NCF2: variants seen among roughly 807,000 people sequenced by gnomAD.
NCF2 encodes the protein neutrophil cytosol factor 2.
In NCF2, 45 loss-of-function variants were observed where a neutral mutation model predicts 70.9. That is an observed-to-expected ratio of 0.63 (90% CI 0.50 to 0.81). NCF2 has a LOEUF of 0.81. Among genes scored for constraint, NCF2 ranks in the 40% least tolerant of loss-of-function variants. NCF2 has a pLI of 0.00. For missense variants in NCF2, 522 were observed against 631.6 expected (o/e 0.83, Z 1.86); for synonymous variants, 203 against 233.6 (o/e 0.87, Z 1.19).
intron 6 of NCF2, 80 bp downstream of exon 6, chr1:183,570,700 C>T (rs990502888): frequency 2.1e-4 from 314 of 1,465,608 alleles, no homozygotes; most frequent in Non-Finnish European, 2.9e-4. Flanking sequence ...GGCAACTCAG[C>T]ACACATAGTC....
chr1:183,566,403 T>C (rs918870137), intron 9 of NCF2, among the ~76,000 whole-genome samples: 1 of 152,196 alleles, frequency 6.6e-6, no homozygotes, highest in African/African-American at 2.4e-5. Context: ...AAGGCAGATC[T>C]CATTTTATTA....
intron 3 of NCF2, 149 bp from the exon 4 acceptor site, chr1:183,574,770 T>A: frequency 2.1e-6 from 2 of 956,592 alleles, no homozygotes; most frequent in Non-Finnish European, 3.2e-6. Flanking sequence ...ATAGTGCAAT[T>A]AGTCTTGCTA....
At chr1:183,565,845 G>A (rs1343795372) in intron 9 of NCF2, 66 bp from the exon 10 acceptor site, 6 of 1,486,044 alleles carry the variant, frequency 4.0e-6, no homozygotes, top group Non-Finnish European at 5.6e-6. Flanking sequence ...GTGGATGTGG[G>A]GAAACACCCC....
At chr1:183,567,411 G>T in intron 7 of NCF2, 66 bp from the exon 8 acceptor site, 1 of 1,605,844 alleles carries the variant, frequency 6.2e-7, no homozygotes, top group South Asian at 1.1e-5. Context: ...CAAATACACT[G>T]AACTTGGAGC....
At chr1:183,586,013 A>G (rs576733059) in intron 2 of NCF2, among the ~76,000 whole-genome samples, 1 of 152,314 alleles carries the variant, frequency 6.6e-6, no homozygotes, top group South Asian at 2.1e-4. Context: ...GGACTATGCT[A>G]TATGAACTGT....
At chr1:183,572,111 C>T (rs1672593073) in intron 5 of NCF2, among the ~76,000 whole-genome samples, 1 of 152,188 alleles carries the variant, frequency 6.6e-6, no homozygotes, top group South Asian at 2.1e-4. Flanking sequence ...TGTGTCAAGT[C>T]AAATGTGGTT....
At position 183,565,751 on chromosome 1, in the gene NCF2, G is replaced by A; in HGVS notation, c.953C>T (p.Pro318Leu). The change falls in exon 10 of 15, where the codon CCA becomes CTA. Residue 318 changes from proline (P) to leucine (L), a missense_variant. Physicochemically the swap from Pro to Leu is moderately conservative, Grantham distance 98. Transcript: ENST00000367535. ...QEESSPQSDI[P>L]APPSSKAPGR... ...AGGGGCTTTGGAACTAGGAGGAGCT[G>A]GGATGTCGGACTGCGGAGAGCTTTC... 4 of 1,613,228 alleles carry A rather than the reference G, an allele frequency of 2.5e-6. No homozygotes were observed. Among genetic ancestry groups the A allele is most frequent in the Non-Finnish European group, 3.4e-6 (4 of 1,180,028 alleles).
At chr1:183,563,378 C>T in intron 12 of NCF2, 56 bp downstream of exon 12, 1 of 1,613,976 alleles carries the variant, frequency 6.2e-7, no homozygotes. Context: ...CTTCCCTCCT[C>T]CAGGCCAGCA....
chr1:183,580,303 A>G (rs1673002155), intron 2 of NCF2, among the ~76,000 whole-genome samples: 1 of 152,200 alleles, frequency 6.6e-6, no homozygotes, highest in African/African-American at 2.4e-5. Flanking sequence ...TTTTCCACGC[A>G]TCTTTCTGGG....
chr1:183,568,705 G>A (rs1303469021), intron 7 of NCF2, among the ~76,000 whole-genome samples: 1 of 149,680 alleles, frequency 6.7e-6, no homozygotes, highest in East Asian at 2.0e-4. Context: ...AGAGAGCTCT[G>A]GCCTGCCCCC....
At chr1:183,558,469 T>C (rs535799780) in intron 14 of NCF2, among the ~76,000 whole-genome samples, 1 of 152,218 alleles carries the variant, frequency 6.6e-6, no homozygotes, top group South Asian at 2.1e-4. Context: ...AGTTTCACCA[T>C]GTTGGCCAGG....
intron 1 of NCF2, among the ~76,000 whole-genome samples, chr1:183,588,242 A>G (rs1234306029): frequency 2.0e-5 from 3 of 152,198 alleles, no homozygotes; most frequent in African/African-American, 7.2e-5. Context: ...CTTGTCCAGG[A>G]GAGTAGTAAT....
At chr1:183,570,365 C>A (rs1037843868) in intron 6 of NCF2, among the ~76,000 whole-genome samples, 1 of 152,218 alleles carries the variant, frequency 6.6e-6, no homozygotes, top group African/African-American at 2.4e-5. Flanking sequence ...TGGGTAGAGC[C>A]AGGAGAGCCC....
chr1:183,593,076 C>G (rs1392097688), upstream of NCF2, among the ~76,000 whole-genome samples: 1 of 152,132 alleles, frequency 6.6e-6, no homozygotes, highest in Non-Finnish European at 1.5e-5. Flanking sequence ...GCATCTCCTT[C>G]TCCGCACCTC....
the NCF2 span, among the ~76,000 whole-genome samples, chr1:183,598,582 TAA>T: frequency 7.1e-6 from 1 of 140,548 alleles, no homozygotes; most frequent in African/African-American, 2.6e-5. Context: ...TGAGGCTGCA[TAA>T]AAAAAAAAAA....
At chr1:183,591,139 A>G (rs149613627), upstream of NCF2, among the ~76,000 whole-genome samples, 25 of 152,288 alleles carry the variant, frequency 1.6e-4, no homozygotes, top group African/African-American at 2.4e-4. Flanking sequence ...TCATCACTCA[A>G]TAAAACTCCC....
the NCF2 span, among the ~76,000 whole-genome samples, chr1:183,599,407 T>TTCTTTCTTTCTTTCC: frequency 3.7e-5 from 5 of 134,484 alleles, no homozygotes; most frequent in African/African-American, 1.5e-4. Flanking sequence ...CCTCTTTTTC[T>TTCTTTCTTTCTTTCC]TTCTTTCTTT....
intron 1 of NCF2, 89 bp from the exon 2 acceptor site, chr1:183,587,066 G>A: frequency 1.6e-6 from 2 of 1,254,390 alleles, no homozygotes; most frequent in East Asian, 2.3e-5. Flanking sequence ...CTAGCTCCCT[G>A]TGGTGCCCAG....
the NCF2 span, among the ~76,000 whole-genome samples, chr1:183,599,437 T>TCTTTCTTTCTTTCTTTCTTTCTTTC: frequency 4.1e-5 from 4 of 96,786 alleles, no homozygotes; most frequent in African/African-American, 1.4e-4. Flanking sequence ...TTTCTTTCTT[T>TCTTTCTTTCTTTCTTTCTTTCTTTC]CTTTCTTTCT....
Sources: gnomAD v4.1 joint callset for allele counts (sites outside exome capture counted in the v4.1 genomes callset) on GRCh38, gnomAD v4.1.1 for gene constraint, MANE v1.5 for transcripts, NCBI Gene and HGNC (gene_info 2026-07-23, HGNC 2026-07-21) for gene names.